The following TCTN3 variants were observed in gnomAD, a reference collection of about 807,000 sequenced individuals.
The protein encoded by TCTN3 is tectonic family member 3, also known as tectonic-3.
TCTN3 carries 57 observed loss-of-function variants against 71.3 expected under a neutral mutation model. The observed-to-expected ratio is 0.80, with a 90% CI of 0.65 to 1.00. The LOEUF (loss-of-function observed/expected upper bound fraction) is 1.00, where lower values mean the gene tolerates loss of function less well. TCTN3 is among the 50% of genes least tolerant of loss of function. TCTN3 has a pLI of 0.00. For synonymous variants in TCTN3, 258 were observed against 267.8 expected (o/e 0.96, Z 0.36); for missense variants, 696 against 719.9 (o/e 0.97, Z 0.38).
chr10:95,693,086 G>C (rs1482529896), intron 2 of TCTN3, 48 bp from the exon 3 acceptor site: 1 of 1,453,118 alleles, frequency 6.9e-7, no homozygotes, highest in African/African-American at 1.4e-5. Flanking sequence ...GGGCGGGGCA[G>C]GTCCAAAAAA....
rs777581400 is a variant in TCTN3, at chr10:95,684,672, A to G, written c.970-48T>C. 6.2e-6 allele frequency: 10 copies of G among 1,605,214 alleles called. No individual in the cohort carries two copies. The East Asian group carries it at 2.0e-4, about 32-fold the overall frequency. On this transcript the variant is annotated intron_variant, in intron 8 of 13. Coordinates refer to ENST00000371217, the MANE Select transcript of TCTN3 (RefSeq NM_015631.6). ...TAATAAAAAGTAGTTATTGGGCCGA[A>G]TATGTTTAGGACAGAAGATTTTCTG...
intron 13 of TCTN3, among the ~76,000 whole-genome samples, chr10:95,677,491 T>TTTG (rs1566068646): frequency 6.2e-5 from 9 of 146,116 alleles, no homozygotes; most frequent in Middle Eastern, 3.6e-3. Context: ...TTGTTTTTTT[T>TTTG]TTTTTTTTTT....
intron 13 of TCTN3, among the ~76,000 whole-genome samples, chr10:95,674,020 T>C (rs574637415): frequency 3.6e-4 from 55 of 152,342 alleles, no homozygotes; most frequent in African/African-American, 1.2e-3. Context: ...CCCTCCAACT[T>C]TGTTCTTTTT....
In TCTN3 at chr10:95,683,072, CA is replaced by C. The variant is rs773859534; in HGVS notation, c.1298+28del. 3 of 1,583,958 alleles carry C rather than the reference CA, an allele frequency of 1.9e-6. No individual in the cohort carries two copies. The South Asian group carries it at 3.4e-5, about 18-fold the overall frequency. On this transcript the variant is annotated intron_variant, in intron 11 of 13. Coordinates refer to ENST00000371217, the MANE Select transcript of TCTN3 (RefSeq NM_015631.6). ...TATTCCCTACATATTCCCGAAATTG[CA>C]GGAAATGATGCGGAAGCAAAGAACT...
intron 12 of TCTN3, among the ~76,000 whole-genome samples, chr10:95,681,155 A>C (rs1423127153): frequency 2.0e-5 from 3 of 151,014 alleles, no homozygotes; most frequent in African/African-American, 4.9e-5. Context: ...AGTTCACTGC[A>C]ACCTCTGCCT....
intron 13 of TCTN3, 130 bp downstream of exon 13, chr10:95,680,341 CA>C: frequency 8.3e-7 from 1 of 1,198,784 alleles, no homozygotes; most frequent in South Asian, 1.5e-5. Flanking sequence ...TATGTCAGCT[CA>C]CTTTAAACAA....
chr10:95,685,492 T>A (rs1327143261), intron 8 of TCTN3, 64 bp downstream of exon 8: 2 of 1,335,870 alleles, frequency 1.5e-6, no homozygotes, highest in African/African-American at 2.9e-5. Context: ...TAATGGAAGA[T>A]GAGGCACCTC....
intron 13 of TCTN3, among the ~76,000 whole-genome samples, chr10:95,669,111 C>T (rs759091545): frequency 1.4e-4 from 21 of 152,248 alleles, no homozygotes; most frequent in Non-Finnish European, 2.8e-4. Flanking sequence ...TAATCTGATG[C>T]AAATACACTG....
chr10:95,665,192 T>C (rs2097924582), intron 13 of TCTN3, among the ~76,000 whole-genome samples: 1 of 152,176 alleles, frequency 6.6e-6, no homozygotes, highest in Non-Finnish European at 1.5e-5. Context: ...CACTGCAGCC[T>C]TGACCTCCTG....
At chr10:95,686,677 A>C in intron 6 of TCTN3, 147 bp from the exon 7 acceptor site, 1 of 746,234 alleles carries the variant, frequency 1.3e-6, no homozygotes, top group Non-Finnish European at 2.2e-6. Flanking sequence ...ATTCCACCTG[A>C]CTCTTCTTTA....
chr10:95,672,787 G>A (rs551749600), intron 13 of TCTN3, among the ~76,000 whole-genome samples: 1 of 148,522 alleles, frequency 6.7e-6, no homozygotes, highest in African/African-American at 2.5e-5. Context: ...CTGCCTCCCA[G>A]GTTCAAGCAA....
chr10:95,670,061 CAAAA>C (rs34609339), intron 13 of TCTN3, among the ~76,000 whole-genome samples: 10 of 81,070 alleles, frequency 1.2e-4, no homozygotes, highest in Admixed American at 1.5e-4. Flanking sequence ...GACTCCGTCT[CAAAA>C]AAAAAAAAAA....
At chr10:95,667,959 T>C (rs1346436988) in intron 13 of TCTN3, among the ~76,000 whole-genome samples, 2 of 152,082 alleles carry the variant, frequency 1.3e-5, no homozygotes, top group African/African-American at 4.8e-5. Flanking sequence ...AGAGAAAAAC[T>C]GTACCAAATG....
At chr10:95,686,642 T>C (rs2097948574) in intron 6 of TCTN3, 112 bp from the exon 7 acceptor site, 1 of 981,736 alleles carries the variant, frequency 1.0e-6, no homozygotes, top group Non-Finnish European at 1.6e-6. Flanking sequence ...GGGGAGTCAA[T>C]ATATTAGAAT....
intron 3 of TCTN3, among the ~76,000 whole-genome samples, chr10:95,689,804 T>C (rs750075460): frequency 6.6e-6 from 1 of 152,172 alleles, no homozygotes; most frequent in Non-Finnish European, 1.5e-5. Flanking sequence ...CCATCTGACC[T>C]AATCCCATGA....
At chr10:95,677,488 T>TTTTTTTTTTTTTTTTTTTTTTTTTTTTC (rs1566068610) in intron 13 of TCTN3, among the ~76,000 whole-genome samples, 1 of 142,544 alleles carries the variant, frequency 7.0e-6, no homozygotes, top group Non-Finnish European at 1.6e-5. Flanking sequence ...TTTTTGTTTT[T>TTTTTTTTTTTTTTTTTTTTTTTTTTTTC]TTTTTTTTTT....
At chr10:95,683,717 G>T in intron 9 of TCTN3, 88 bp from the exon 10 acceptor site, 1 of 1,143,876 alleles carries the variant, frequency 8.7e-7, no homozygotes, top group Non-Finnish European at 1.2e-6. Context: ...CCTTCCTTAA[G>T]GCAAGGAAAT....
chr10:95,692,398 C>T lies in TCTN3; in HGVS notation c.499+522G>A, dbSNP rs367897747. 1.6e-3 allele frequency among the ~76,000 whole-genome samples: 241 copies of T among 152,068 alleles called. 2 individuals carry two copies. Among genetic ancestry groups the T allele is most frequent in the Non-Finnish European group, 2.0e-3 (136 of 67,986 alleles). On this transcript the variant is annotated intron_variant, in intron 3 of 13. Transcript: ENST00000371217. ...GCACACACCCATAGTCCCAGCTACT[C>T]GGGAAGCTAAGGCAGGAGAATCACT...
At chr10:95,666,240 C>CGTCATTTCTAAGTAAAA in intron 13 of TCTN3, among the ~76,000 whole-genome samples, 1 of 138,226 alleles carries the variant, frequency 7.2e-6, no homozygotes, top group Admixed American at 7.3e-5. Flanking sequence ...CATGCCCAGC[C>CGTCATTTCTAAGTAAAA]TTTTTTTTTT....
Sources: allele counts gnomAD v4.1 joint callset (sites outside exome capture counted in the v4.1 genomes callset), GRCh38; gene constraint gnomAD v4.1.1; transcripts MANE v1.5; gene names NCBI Gene and HGNC (gene_info 2026-07-23, HGNC 2026-07-21).